The following GAB1 variants were observed in gnomAD, a reference collection of about 807,000 sequenced individuals.
The protein encoded by GAB1 is GRB2-associated-binding protein 1.
Under a neutral mutation model 66.5 loss-of-function variants are expected in GAB1, and 19 were observed. That is an observed-to-expected ratio of 0.29 (90% CI 0.20 to 0.42). The LOEUF (loss-of-function observed/expected upper bound fraction) is 0.42, where lower values mean the gene tolerates loss of function less well. GAB1 is among the 10% of genes least tolerant of loss of function. GAB1 has a pLI of 1.00. For missense variants in GAB1, 732 were observed against 858.5 expected (o/e 0.85, Z 1.84); for synonymous variants, 294 against 301.4 (o/e 0.98, Z 0.25).
chr4:143,337,070 G>C lies in GAB1; in HGVS notation c.-119G>C, dbSNP rs947984005. On this transcript the variant is annotated 5_prime_UTR_variant, in exon 1 of 10. Transcript: ENST00000262994. The stretch of plus-strand genomic sequence containing the variant: ...TGGAGTCTGTCCGCCCAGTCCGTCC[G>C]GGGTGCGCGACCAGGAGAGCTAGGT... The C allele has an allele frequency of 4.9e-6, 4 of 823,070 alleles. No individual in the cohort carries two copies. Among genetic ancestry groups the C allele is most frequent in the African/African-American group, 3.5e-5 (2 of 56,346 alleles). 51.0% of individuals were successfully genotyped at this position (823,070 alleles called of 1,614,324 possible). A position where few individuals can be genotyped will look rare whatever the true frequency, so the allele number is the denominator to read the frequency against.
chr4:143,368,117 AG>A (rs1451295218), intron 1 of GAB1, among the ~76,000 whole-genome samples: 2 of 152,004 alleles, frequency 1.3e-5, no homozygotes, highest in African/African-American at 4.8e-5. Flanking sequence ...TAGTATTTTT[AG>A]TCACATCCAC....
chr4:143,436,086 A>G (rs975928573), intron 3 of GAB1, among the ~76,000 whole-genome samples: 5 of 152,242 alleles, frequency 3.3e-5, no homozygotes, highest in African/African-American at 1.2e-4. Flanking sequence ...TAGAATATGC[A>G]TAGGTGCATT....
chr4:143,439,745 G>T (rs916697990), intron 4 of GAB1, 57 bp from the exon 5 acceptor site: 52 of 1,191,810 alleles, frequency 4.4e-5, no homozygotes, highest in Non-Finnish European at 5.6e-5. Flanking sequence ...TCATCCCAAT[G>T]ACCCTGAGAG....
rs1728676273 is a variant in GAB1 at position 143,337,112 on chromosome 4, T to C, written c.-77T>C. The stretch of plus-strand genomic sequence containing the variant: ...GAGCTAGGTTCTCGCCACTGCGCGC[T>C]CGGCAGGCGTCGGCTGTGTCGGGAG... On this transcript the variant is annotated 5_prime_UTR_variant, in exon 1 of 10. Coordinates refer to ENST00000262994, the MANE Select transcript of GAB1 (RefSeq NM_002039.4). 1.5e-6 allele frequency: 2 copies of C among 1,330,336 alleles called. No homozygotes were observed. Among genetic ancestry groups the C allele is most frequent in the African/African-American group, 1.5e-5 (1 of 67,258 alleles). 82.4% of individuals were successfully genotyped at this position (1,330,336 alleles called of 1,614,324 possible). A position where few individuals can be genotyped will look rare whatever the true frequency, so the allele number is the denominator to read the frequency against.
Position 143,457,832 on chromosome 4 carries a change from T to G in GAB1, c.1586-1553T>G, listed in dbSNP as rs867564158. 24 of 901,444 alleles carry G rather than the reference T, an allele frequency of 2.7e-5. No homozygotes were observed. In the Middle Eastern group the frequency reaches 6.4e-4, roughly 24 times the overall value. 55.8% of individuals were successfully genotyped at this position (901,444 alleles called of 1,614,324 possible). A position where few individuals can be genotyped will look rare whatever the true frequency, so the allele number is the denominator to read the frequency against. ...GGAATTTATTTTGTAATGTTTTTTGTTTTTTTTCTAAAAATAAAGAAGAAC... is the reference window on the plus strand; with the variant it reads ...GGAATTTATTTTGTAATGTTTTTTGGTTTTTTTCTAAAAATAAAGAAGAAC... On this transcript the variant is annotated intron_variant, in intron 6 of 9. Transcript: ENST00000262994.
Position 143,474,564 on chromosome 4 carries a change from C to T in GAB1, c.*5375C>T, listed in dbSNP as rs1736192681. On this transcript the variant is annotated 3_prime_UTR_variant, in exon 10 of 10. Coordinates refer to ENST00000262994, the MANE Select transcript of GAB1 (RefSeq NM_002039.4). ...ATTTTAAGTAAAGCAGATTCTCATC[C>T]ATAATGTTGTTGAACCTCATTCAAT... The T allele has an allele frequency of 6.6e-6, 1 of 151,940 alleles. No homozygotes were observed. The highest frequency in any genetic ancestry group is 2.1e-4 in the South Asian group (1 of 4,828). 9.4% of individuals were successfully genotyped at this position (151,940 alleles called of 1,614,324 possible).
At chr4:143,455,124 A>G (rs1450762081) in intron 6 of GAB1, among the ~76,000 whole-genome samples, 1 of 152,080 alleles carries the variant, frequency 6.6e-6, no homozygotes, top group Non-Finnish European at 1.5e-5. Flanking sequence ...TCCCATTTTA[A>G]AAGCTCTTTT....
chr4:143,366,054 G>A (rs1481918003), intron 1 of GAB1, among the ~76,000 whole-genome samples: 1 of 152,172 alleles, frequency 6.6e-6, no homozygotes, highest in Admixed American at 6.5e-5. Context: ...CACATGTAGG[G>A]CTTTGTACAA....
chr4:143,354,076 G>C (rs1005259309), intron 1 of GAB1, among the ~76,000 whole-genome samples: 1 of 152,162 alleles, frequency 6.6e-6, no homozygotes, highest in Non-Finnish European at 1.5e-5. Flanking sequence ...CTGTATGCTG[G>C]TGGAGACCCA....
At chr4:143,380,458 A>G (rs1327336168) in intron 1 of GAB1, among the ~76,000 whole-genome samples, 1 of 152,198 alleles carries the variant, frequency 6.6e-6, no homozygotes, top group African/African-American at 2.4e-5. Flanking sequence ...AATAATTTGA[A>G]TTATTATATA....
chr4:143,415,084 T>C (rs765662603), intron 1 of GAB1, among the ~76,000 whole-genome samples: 14 of 152,224 alleles, frequency 9.2e-5, no homozygotes, highest in Non-Finnish European at 1.8e-4. Flanking sequence ...ATATTTGTCT[T>C]TTTATGACTG....
At chr4:143,463,452 G>A (rs1262608861) in intron 8 of GAB1, among the ~76,000 whole-genome samples, 3 of 151,746 alleles carry the variant, frequency 2.0e-5, no homozygotes, top group Non-Finnish European at 4.4e-5. Context: ...GATAAACCCC[G>A]TCTCTATTAA....
At chr4:143,387,847 G>A (rs899191553) in intron 1 of GAB1, among the ~76,000 whole-genome samples, 1 of 152,044 alleles carries the variant, frequency 6.6e-6, no homozygotes, top group African/African-American at 2.4e-5. Flanking sequence ...ATCCTATCCT[G>A]TCTTCCTTCA....
chr4:143,336,984 G>A lies in GAB1; in HGVS notation c.-205G>A, dbSNP rs1335298298. Reference sequence around the variant, plus strand: ...CGGCGCGCCCGCGGCCCCGGCTCGCGTTCTGTTCAGGTTCGTGGGCCTGCA... The same window carrying A: ...CGGCGCGCCCGCGGCCCCGGCTCGCATTCTGTTCAGGTTCGTGGGCCTGCA... On this transcript the variant is annotated 5_prime_UTR_variant, in exon 1 of 10. Transcript: ENST00000262994. 3 of 494,876 alleles carry A rather than the reference G, an allele frequency of 6.1e-6. No homozygotes were observed. Among genetic ancestry groups the A allele is most frequent in the Admixed American group, 3.9e-5 (1 of 25,750 alleles). 30.7% of individuals were successfully genotyped at this position (494,876 alleles called of 1,614,324 possible).
intron 9 of GAB1, among the ~76,000 whole-genome samples, chr4:143,466,583 A>G (rs2149799117): frequency 1.5e-5 from 2 of 134,210 alleles, no homozygotes; most frequent in Admixed American, 1.8e-4. Flanking sequence ...TCCGCTTCCC[A>G]GGTCCAAATG....
intron 1 of GAB1, among the ~76,000 whole-genome samples, chr4:143,386,215 G>A (rs1730902223): frequency 6.6e-6 from 1 of 152,118 alleles, no homozygotes; most frequent in South Asian, 2.1e-4. Context: ...CAGTGGAAGA[G>A]TTGAGTATCC....
chr4:143,454,003 C>G (rs1735057960), intron 6 of GAB1, among the ~76,000 whole-genome samples: 1 of 152,196 alleles, frequency 6.6e-6, no homozygotes, highest in Non-Finnish European at 1.5e-5. Flanking sequence ...TGTATTCTAA[C>G]TTGAGCTTTG....
At chr4:143,388,377 C>T (rs1206621985) in intron 1 of GAB1, among the ~76,000 whole-genome samples, 2 of 152,110 alleles carry the variant, frequency 1.3e-5, no homozygotes, top group South Asian at 4.1e-4. Context: ...AAAAATGTAA[C>T]TTAACACCTG....
chr4:143,469,186 A>G lies in GAB1; in HGVS notation c.2082A>G (p.Lys694=), dbSNP rs1324343310. Residue 694 remains lysine (K), a synonymous_variant, in exon 10 of 10, where the codon AAA becomes AAG. Coordinates refer to ENST00000262994, the MANE Select transcript of GAB1 (RefSeq NM_002039.4). ...TESETPAKSV[K] ...CAGAAACGCCAGCGAAGAGTGTGAA[A>G]TGAAAATATTGCCTTGCCATTTCTG... The G allele has an allele frequency of 1.2e-6, 2 of 1,613,924 alleles. No individual in the cohort carries two copies. Among genetic ancestry groups the G allele is most frequent in the South Asian group, 1.1e-5 (1 of 91,064 alleles).
Sources: gnomAD v4.1 joint callset for allele counts (sites outside exome capture counted in the v4.1 genomes callset) on GRCh38, gnomAD v4.1.1 for gene constraint, MANE v1.5 for transcripts, NCBI Gene and HGNC (gene_info 2026-07-23, HGNC 2026-07-21) for gene names.